CNTN4: variants seen among roughly 807,000 people sequenced by gnomAD.
CNTN4 encodes contactin 4.
A neutral mutation model predicts 122.5 loss-of-function variants in CNTN4; 77 were observed. That is an observed-to-expected ratio of 0.63 (90% CI 0.52 to 0.76). The LOEUF is 0.76. CNTN4 is among the 30% of genes least tolerant of loss of function. The pLI is 0.00. For missense variants in CNTN4, 1,256 were observed against 1,259.1 expected, an observed-to-expected ratio of 1.00 and a Z score of 0.04; for synonymous variants, 512 against 447.0, an observed-to-expected ratio of 1.15 and a Z score of -1.83.
chr3:2,897,033 T>A (rs146537255), intron 10 of CNTN4, among the ~76,000 whole-genome samples: 2 of 152,166 alleles, frequency 1.3e-5, no homozygotes, highest in African/African-American at 4.8e-5. Context: ...AAATTTCTGT[T>A]TTTAGAAAAT....
At chr3:2,169,189 G>A (rs558225375) in intron 2 of CNTN4, among the ~76,000 whole-genome samples, 22 of 152,042 alleles carry the variant, frequency 1.4e-4, no homozygotes, top group African/African-American at 4.3e-4. Context: ...TGATTGAATC[G>A]CAGGCATCAT....
At chr3:2,117,812 A>G (rs1324688201) in intron 2 of CNTN4, among the ~76,000 whole-genome samples, 1 of 152,182 alleles carries the variant, frequency 6.6e-6, no homozygotes, top group Admixed American at 6.5e-5. Flanking sequence ...GATGCGATGT[A>G]ATGTTCTTTG....
At chr3:2,840,493 G>A (rs1016351656) in intron 7 of CNTN4, among the ~76,000 whole-genome samples, 10 of 143,068 alleles carry the variant, frequency 7.0e-5, no homozygotes, top group East Asian at 6.3e-4. Flanking sequence ...GAGGTCAGGA[G>A]ATCGAGACCA....
chr3:2,270,698 TTAAGGAAG>T (rs2041258770), intron 2 of CNTN4, among the ~76,000 whole-genome samples: 1 of 125,032 alleles, frequency 8.0e-6, no homozygotes. Flanking sequence ...TGAGATTTGC[TTAAGGAAG>T]ACTGAAGGCT....
chr3:2,620,312 C>T (rs143358206), intron 4 of CNTN4, among the ~76,000 whole-genome samples: 93 of 152,004 alleles, frequency 6.1e-4, no homozygotes, highest in African/African-American at 2.2e-3. Context: ...CCAGCCTGGG[C>T]AACACAGCAA....
chr3:2,245,601 C>T (rs1288542190), intron 2 of CNTN4, among the ~76,000 whole-genome samples: 1 of 151,886 alleles, frequency 6.6e-6, no homozygotes, highest in East Asian at 1.9e-4. Context: ...AAAATAGTAA[C>T]GTACATTGAG....
intron 4 of CNTN4, among the ~76,000 whole-genome samples, chr3:2,733,471 T>C (rs925854217): frequency 6.6e-6 from 1 of 152,028 alleles, no homozygotes; most frequent in Non-Finnish European, 1.5e-5. Context: ...GAAATGTAAA[T>C]ATCTGGATTT....
intron 2 of CNTN4, among the ~76,000 whole-genome samples, chr3:2,258,436 C>G (rs1440502115): frequency 6.6e-6 from 1 of 151,704 alleles, no homozygotes; most frequent in African/African-American, 2.4e-5. Context: ...TTTTTTCTGT[C>G]TCAATATACA....
At chr3:3,041,023 A>C (rs1221711959) in intron 20 of CNTN4, 1 of 152,218 alleles carries the variant, frequency 6.6e-6, no homozygotes, top group African/African-American at 2.4e-5. Flanking sequence ...TATGTTTAAC[A>C]TTTCTCACAC....
intron 2 of CNTN4, among the ~76,000 whole-genome samples, chr3:2,229,780 A>G (rs1375997669): frequency 6.6e-6 from 1 of 152,212 alleles, no homozygotes; most frequent in Non-Finnish European, 1.5e-5. Context: ...ATAAGTACTA[A>G]TAATTATTAA....
chr3:2,446,466 C>A (rs540170766), intron 3 of CNTN4, among the ~76,000 whole-genome samples: 16 of 152,260 alleles, frequency 1.1e-4, no homozygotes, highest in African/African-American at 3.9e-4. Flanking sequence ...TAACTGGCAT[C>A]TTTCTTAAAG....
chr3:2,560,445 TC>T (rs2078904815), intron 3 of CNTN4, among the ~76,000 whole-genome samples: 1 of 152,112 alleles, frequency 6.6e-6, no homozygotes, highest in Admixed American at 6.6e-5. Context: ...CCTGGCCCAC[TC>T]CACTTATTTT....
chr3:2,492,037 A>G (rs1287300202), intron 3 of CNTN4, among the ~76,000 whole-genome samples: 1 of 151,868 alleles, frequency 6.6e-6, no homozygotes, highest in African/African-American at 2.4e-5. Context: ...CATTGTTTTG[A>G]TTTTGATTTA....
chr3:2,952,333 A>G (rs987201726), intron 13 of CNTN4, among the ~76,000 whole-genome samples: 2 of 152,190 alleles, frequency 1.3e-5, no homozygotes, highest in South Asian at 4.1e-4. Context: ...GATTTGGGGA[A>G]TGGCATCAGA....
At chr3:2,142,561 T>C (rs909001804) in intron 2 of CNTN4, among the ~76,000 whole-genome samples, 4 of 152,090 alleles carry the variant, frequency 2.6e-5, no homozygotes, top group Admixed American at 2.6e-4. Flanking sequence ...TGGGCTGGTC[T>C]CGACGTCCTG....
chr3:2,611,015 A>G (rs2081458842), intron 4 of CNTN4, among the ~76,000 whole-genome samples: 1 of 152,118 alleles, frequency 6.6e-6, no homozygotes, highest in South Asian at 2.1e-4. Flanking sequence ...ACATCTTATA[A>G]CAATACTTCC....
chr3:2,165,946 A>T (rs2036176173), intron 2 of CNTN4, among the ~76,000 whole-genome samples: 1 of 152,146 alleles, frequency 6.6e-6, no homozygotes, highest in African/African-American at 2.4e-5. Flanking sequence ...TATATACCAC[A>T]ATTGTGATGG....
intron 16 of CNTN4, among the ~76,000 whole-genome samples, chr3:3,033,507 G>A (rs996333701): frequency 7.2e-5 from 11 of 152,302 alleles, no homozygotes; most frequent in Admixed American, 4.6e-4. Context: ...CTCTGTGAGA[G>A]GTTTCTTTTT....
intron 4 of CNTN4, among the ~76,000 whole-genome samples, chr3:2,582,654 A>C (rs1320511957): frequency 6.6e-6 from 1 of 152,206 alleles, no homozygotes; most frequent in Non-Finnish European, 1.5e-5. Flanking sequence ...AGGGAGACTT[A>C]AGACTTCTAG....
Sources: allele counts gnomAD v4.1 joint callset (sites outside exome capture counted in the v4.1 genomes callset), GRCh38; gene constraint gnomAD v4.1.1; transcripts MANE v1.5; gene names NCBI Gene and HGNC (gene_info 2026-07-23, HGNC 2026-07-21).